Variants in ADAMTSL3 observed in about 807,000 individuals in gnomAD.
ADAMTSL3 encodes the protein ADAMTS like 3.
In ADAMTSL3, 128 loss-of-function variants were observed where a neutral mutation model predicts 201.7. The observed-to-expected ratio is 0.63, with a 90% CI of 0.55 to 0.73. ADAMTSL3 has a LOEUF of 0.73. Ranked by LOEUF, ADAMTSL3 falls within the 30% of genes least tolerant of loss-of-function variation. ADAMTSL3 has a pLI of 0.00. For synonymous variants in ADAMTSL3, 738 were observed against 748.4 expected (o/e 0.99, Z 0.23); for missense variants, 1,990 against 2,119.6 (o/e 0.94, Z 1.20).
intron 2 of ADAMTSL3, among the ~76,000 whole-genome samples, chr15:83,695,822 A>G (rs951451843): frequency 1.3e-5 from 2 of 152,174 alleles, no homozygotes; most frequent in Non-Finnish European, 2.9e-5. Flanking sequence ...GAAAAGTCTC[A>G]TAATGACCGC....
At chr15:83,883,290 A>G (rs2065314046) in intron 9 of ADAMTSL3, among the ~76,000 whole-genome samples, 1 of 151,446 alleles carries the variant, frequency 6.6e-6, no homozygotes, top group African/African-American at 2.4e-5. Context: ...CTCCTGCCTC[A>G]GCTTCCCGAG....
chr15:83,989,117 C>G (rs188626186), intron 22 of ADAMTSL3, among the ~76,000 whole-genome samples: 1 of 152,082 alleles, frequency 6.6e-6, no homozygotes, highest in African/African-American at 2.4e-5. Context: ...CTCCTGACCT[C>G]GTGATCCACC....
intron 17 of ADAMTSL3, among the ~76,000 whole-genome samples, chr15:83,924,502 T>A (rs1158067419): frequency 1.3e-5 from 2 of 152,194 alleles, no homozygotes; most frequent in Non-Finnish European, 2.9e-5. Flanking sequence ...TACCTTCCCA[T>A]TGACTTGCCT....
intron 16 of ADAMTSL3, among the ~76,000 whole-genome samples, chr15:83,922,729 C>G (rs936736394): frequency 6.6e-6 from 1 of 152,214 alleles, no homozygotes; most frequent in Middle Eastern, 3.4e-3. Context: ...TTAGAAAGAA[C>G]TGAACATCAC....
At chr15:83,673,504 A>T (rs2061354337) in intron 2 of ADAMTSL3, among the ~76,000 whole-genome samples, 1 of 151,842 alleles carries the variant, frequency 6.6e-6, no homozygotes, top group Non-Finnish European at 1.5e-5. Context: ...CTGTCTGCTG[A>T]CCCTCTCTCA....
chr15:83,695,999 G>A (rs948550777), intron 2 of ADAMTSL3, among the ~76,000 whole-genome samples: 5 of 152,130 alleles, frequency 3.3e-5, no homozygotes, highest in Admixed American at 6.5e-5. Flanking sequence ...GGCCTTGGAA[G>A]CTACAAACTG....
chr15:83,708,944 C>T (rs772222764), intron 3 of ADAMTSL3, among the ~76,000 whole-genome samples: 1 of 152,178 alleles, frequency 6.6e-6, no homozygotes, highest in Non-Finnish European at 1.5e-5. Flanking sequence ...ATTTGAAAAA[C>T]TAAGACCATT....
At chr15:83,856,355 T>C (rs2141764562) in intron 7 of ADAMTSL3, among the ~76,000 whole-genome samples, 1 of 151,910 alleles carries the variant, frequency 6.6e-6, no homozygotes, top group Admixed American at 6.6e-5. Flanking sequence ...ATAAAATTTT[T>C]TGGTAGTGAC....
At chr15:83,671,891 A>G (rs2061334112) in intron 2 of ADAMTSL3, among the ~76,000 whole-genome samples, 1 of 152,222 alleles carries the variant, frequency 6.6e-6, no homozygotes. Flanking sequence ...GCTGTTGGGT[A>G]AGATTAAATT....
At chr15:83,801,626 TTATATATATAAATATATAAATATAAA>T (rs1355315173) in intron 4 of ADAMTSL3, among the ~76,000 whole-genome samples, 1 of 74,472 alleles carries the variant, frequency 1.3e-5, no homozygotes, top group African/African-American at 4.6e-5. Context: ...CAATGAAATT[TTATATATATAAATATATAAATATAAA>T]TATATATATA....
At chr15:83,668,876 A>T (rs2061285537) in intron 2 of ADAMTSL3, among the ~76,000 whole-genome samples, 1 of 152,166 alleles carries the variant, frequency 6.6e-6, no homozygotes, top group Non-Finnish European at 1.5e-5. Flanking sequence ...ACTAACCAGA[A>T]CATATTTTTT....
chr15:83,698,138 G>A (rs780539064), intron 2 of ADAMTSL3, among the ~76,000 whole-genome samples: 3 of 152,098 alleles, frequency 2.0e-5, no homozygotes, highest in Non-Finnish European at 4.4e-5. Context: ...AAGGATTTTA[G>A]GAGCTCTATG....
intron 17 of ADAMTSL3, among the ~76,000 whole-genome samples, chr15:83,940,363 A>T (rs953677487): frequency 6.6e-6 from 1 of 152,244 alleles, no homozygotes; most frequent in Non-Finnish European, 1.5e-5. Flanking sequence ...ATTTTCTCAC[A>T]GTCTGGAGGC....
intron 3 of ADAMTSL3, among the ~76,000 whole-genome samples, chr15:83,714,312 G>A (rs1240472199): frequency 1.3e-5 from 2 of 152,186 alleles, no homozygotes; most frequent in Admixed American, 6.5e-5. Flanking sequence ...AAGGGCAAGT[G>A]GGGGCACAGG....
chr15:83,851,761 G>A (rs1016626727), intron 7 of ADAMTSL3, among the ~76,000 whole-genome samples: 1 of 152,164 alleles, frequency 6.6e-6, no homozygotes, highest in African/African-American at 2.4e-5. Context: ...GGTTGAGGAT[G>A]CATAACATAT....
chr15:83,982,610 G>T lies in ADAMTSL3; in HGVS notation c.2982G>T (p.Lys994Asn). The T allele has an allele frequency of 6.2e-7, 1 of 1,614,160 alleles. No individual in the cohort carries two copies. Among genetic ancestry groups the T allele is most frequent in the Non-Finnish European group, 8.5e-7 (1 of 1,180,038 alleles). ...AGSAQETVVL[K>N]LIGTDNRLIA... ...CTGCACAGGAAACAGTTGTGCTCAA[G>T]CTCATTGGTACTGACAACCGGCTCA... is the stretch of plus-strand genomic sequence containing the variant. The change falls in exon 21 of 30, where the codon AAG becomes AAT. Residue 994 changes from lysine to asparagine, a missense_variant. By Grantham distance (94) the Lys-to-Asn change is moderately conservative. Transcript: ENST00000286744.
chr15:83,858,568 T>C lies in ADAMTSL3; in HGVS notation c.728-198T>C, dbSNP rs561259473. 2.2e-4 allele frequency among the ~76,000 whole-genome samples: 33 copies of C among 152,322 alleles called. No individual in the cohort carries two copies. The Middle Eastern group carries it at 0.014, about 63-fold the overall frequency. Reference sequence around the variant, plus strand: ...TTGTATTTTTAGTAGAGATGGGGTTTCACCATCTTGGCCAGGCTGGTCTCG... The same window carrying C: ...TTGTATTTTTAGTAGAGATGGGGTTCCACCATCTTGGCCAGGCTGGTCTCG... On this transcript the variant is annotated intron_variant, in intron 7 of 29. Coordinates refer to ENST00000286744, the MANE Select transcript of ADAMTSL3 (RefSeq NM_207517.3).
chr15:83,690,311 C>T (rs1467156874), intron 2 of ADAMTSL3, among the ~76,000 whole-genome samples: 1 of 152,142 alleles, frequency 6.6e-6, no homozygotes, highest in African/African-American at 2.4e-5. Flanking sequence ...TTCCAGAGCC[C>T]CTTCAGGATC....
intron 15 of ADAMTSL3, among the ~76,000 whole-genome samples, chr15:83,900,237 T>G (rs1355458773): frequency 1.3e-5 from 2 of 152,214 alleles, no homozygotes; most frequent in African/African-American, 4.8e-5. Flanking sequence ...TTTCTGTGTC[T>G]TATTCTCCTT....
Sources: gnomAD v4.1 joint callset for allele counts (sites outside exome capture counted in the v4.1 genomes callset) on GRCh38, gnomAD v4.1.1 for gene constraint, MANE v1.5 for transcripts, NCBI Gene and HGNC (gene_info 2026-07-23, HGNC 2026-07-21) for gene names.